DNAAF8: variants seen among roughly 807,000 people sequenced by gnomAD.
DNAAF8 encodes dynein axonemal-associated protein 1.
In DNAAF8, 61 loss-of-function variants were observed where a neutral mutation model predicts 54.6. The observed-to-expected ratio is 1.12, with a 90% CI of 0.91 to 1.38. The LOEUF (loss-of-function observed/expected upper bound fraction) is 1.38, where lower values mean the gene tolerates loss of function less well. Among genes scored for constraint, DNAAF8 ranks in the 40% most tolerant of loss-of-function variants. DNAAF8 has a pLI of 0.00. For missense variants in DNAAF8, 837 were observed against 665.0 expected (o/e 1.26, Z -2.85); for synonymous variants, 320 against 270.1 (o/e 1.18, Z -1.81).
chr16:4,747,109 C>T, intron 8 of DNAAF8, 84 bp downstream of exon 8: 1 of 1,358,324 alleles, frequency 7.4e-7, no homozygotes, highest in South Asian at 1.4e-5. Context: ...ACATTTACCG[C>T]CTGTGGTGAG....
intron 3 of DNAAF8, among the ~76,000 whole-genome samples, chr16:4,739,288 T>C (rs9936484): frequency 7.1e-6 from 1 of 140,760 alleles, no homozygotes; most frequent in African/African-American, 2.7e-5. Flanking sequence ...TTTTTTTTTG[T>C]AATGTGGGAT....
rs1567500109 is a variant in DNAAF8 at position 4,741,265 on chromosome 16, CAAAGAAA to C, written c.783+607_783+613del. On this transcript the variant is annotated intron_variant, in intron 4 of 9. Transcript: ENST00000299320. ...AAAAAAAAAGAAAGAAAGAAAGAAACAAAGAAAGAAAGAATGTATAAATTTAAAAAGA... is the reference window on the plus strand; with the variant it reads ...AAAAAAAAAGAAAGAAAGAAAGAAACGAAAGAATGTATAAATTTAAAAAGA... Among the ~76,000 whole-genome samples the C allele has an allele frequency of 3.9e-3, 130 of 33,070 alleles. 1 individual carries two copies. The South Asian group carries it at 0.049, about 12-fold the overall frequency. 21.7% of individuals were successfully genotyped at this position (33,070 alleles called of 152,430 possible).
chr16:4,746,722 C>G (rs747290054), intron 7 of DNAAF8: 1 of 796,696 alleles, frequency 1.3e-6, no homozygotes, highest in African/African-American at 1.7e-5. Context: ...GGGCTGGGCT[C>G]TATGCAATAG....
At chr16:4,735,650 A>T (rs1224857472) in intron 1 of DNAAF8, among the ~76,000 whole-genome samples, 3 of 152,072 alleles carry the variant, frequency 2.0e-5, no homozygotes, top group Admixed American at 6.6e-5. Flanking sequence ...AAAAAAAAAA[A>T]AATCACTTAG....
Position 4,736,603 on chromosome 16 carries a change from T to C in DNAAF8, c.89T>C (p.Val30Ala). The change falls in exon 2 of 10, where the codon GTC becomes GCC. Residue 30 changes from valine to alanine, a missense_variant. By Grantham distance (64) the Val-to-Ala change is moderately conservative. Transcript: ENST00000299320. ...MGPWDAILKA[V>A]KDQLPSLDSD... ...CCCTGGGATGCCATCCTCAAGGCTGTCAAAGACCAGCTCCCGTCTCTGGAC... is the reference window on the plus strand; with the variant it reads ...CCCTGGGATGCCATCCTCAAGGCTGCCAAAGACCAGCTCCCGTCTCTGGAC... 1 of 1,588,866 alleles carries C rather than the reference T, an allele frequency of 6.3e-7. No individual in the cohort carries two copies. Among genetic ancestry groups the C allele is most frequent in the South Asian group, 1.1e-5 (1 of 87,910 alleles).
At chr16:4,737,016 G>C (rs2081908216) in intron 2 of DNAAF8, among the ~76,000 whole-genome samples, 1 of 152,158 alleles carries the variant, frequency 6.6e-6, no homozygotes, top group Non-Finnish European at 1.5e-5. Flanking sequence ...AACACCCACT[G>C]AGAATGCACA....
chr16:4,739,573 G>C (rs1229165581), intron 3 of DNAAF8, among the ~76,000 whole-genome samples: 14 of 143,932 alleles, frequency 9.7e-5, no homozygotes, highest in Admixed American at 9.7e-4. Context: ...TTTTGGGACA[G>C]GATCTTGCTG....
chr16:4,745,812 G>A (rs1479556919), intron 6 of DNAAF8, among the ~76,000 whole-genome samples: 1 of 152,044 alleles, frequency 6.6e-6, no homozygotes, highest in East Asian at 1.9e-4. Flanking sequence ...AATTTTCCAG[G>A]CATGTTGGTG....
chr16:4,735,267 G>A (rs2081868873), intron 1 of DNAAF8: 1 of 152,176 alleles, frequency 6.6e-6, no homozygotes, highest in South Asian at 2.1e-4. Context: ...AAGAAATACT[G>A]TGCCCTGAAT....
chr16:4,739,283 T>G (rs1022432289), intron 3 of DNAAF8, among the ~76,000 whole-genome samples: 14 of 143,786 alleles, frequency 9.7e-5, no homozygotes, highest in African/African-American at 3.3e-4. Context: ...TTTTTTTTTT[T>G]TTTGTAATGT....
intron 5 of DNAAF8, 79 bp from the exon 6 acceptor site, chr16:4,744,791 G>C: frequency 6.7e-7 from 1 of 1,500,470 alleles, no homozygotes; most frequent in South Asian, 1.2e-5. Flanking sequence ...GAGACCCCAG[G>C]GGTCCTGAGG....
At chr16:4,736,428 C>A in intron 1 of DNAAF8, 36 bp from the exon 2 acceptor site, 1 of 1,358,448 alleles carries the variant, frequency 7.4e-7, no homozygotes. Flanking sequence ...CCTTCAGTGG[C>A]CCGGACCCTC....
intron 2 of DNAAF8, 93 bp downstream of exon 2, chr16:4,736,736 C>T (rs2081905865): frequency 7.9e-7 from 1 of 1,268,864 alleles, no homozygotes; most frequent in Non-Finnish European, 1.0e-6. Flanking sequence ...TCTCTGAAGA[C>T]TTTTCCTGCT....
chr16:4,740,507 A>G lies in DNAAF8; in HGVS notation c.631A>G (p.Ile211Val), dbSNP rs1170233149. 56 of 1,614,128 alleles carry G rather than the reference A, an allele frequency of 3.5e-5. No individual in the cohort carries two copies. Among genetic ancestry groups the G allele is most frequent in the Non-Finnish European group, 4.7e-5 (55 of 1,180,018 alleles). ...GAGAAGGAAGATGATAGAGACGGAC[A>G]TCCTCCAGAAAGTCACCCGGGATGC... The part of the protein sequence containing the change: ...QERRKMIETD[I>V]LQKVTRDACG... Residue 211 changes from isoleucine (I) to valine (V), a missense_variant, in exon 4 of 10, where the codon ATC becomes GTC. Ile to Val is a conservative substitution (Grantham distance 29). Coordinates refer to ENST00000299320, the MANE Select transcript of DNAAF8 (RefSeq NM_139170.3).
chr16:4,738,094 G>T (rs984110794), intron 3 of DNAAF8, 148 bp downstream of exon 3: 1 of 1,014,980 alleles, frequency 9.9e-7, no homozygotes. Context: ...GTATTCAGAT[G>T]CCCAACATCT....
Position 4,740,236 on chromosome 16 carries a change from A to G in DNAAF8, c.360A>G (p.Gly120=). The G allele has an allele frequency of 6.2e-7, 1 of 1,614,044 alleles. No individual in the cohort carries two copies. Among genetic ancestry groups the G allele is most frequent in the Non-Finnish European group, 8.5e-7 (1 of 1,179,978 alleles). The change falls in exon 4 of 10, where the codon GGA becomes GGG. Residue 120 remains glycine (G), a synonymous_variant. Coordinates refer to ENST00000299320, the MANE Select transcript of DNAAF8 (RefSeq NM_139170.3). ...TRTKDASSQE[G]RDPGRPFESS... is the part of the protein sequence containing the mutation. ...CAAAGGATGCATCCTCTCAGGAAGGAAGAGACCCTGGCAGGCCTTTTGAAA... is the reference window on the plus strand; with the variant it reads ...CAAAGGATGCATCCTCTCAGGAAGGGAGAGACCCTGGCAGGCCTTTTGAAA...
chr16:4,740,211 C>G lies in DNAAF8; in HGVS notation c.335C>G (p.Thr112Arg). ...TEPGCRQNTR[T>R]KDASSQEGRD... ...CCTGGGTGCAGACAGAACACAAGGA[C>G]AAAGGATGCATCCTCTCAGGAAGGA... The change falls in exon 4 of 10, where the codon ACA becomes AGA. Residue 112 changes from threonine to arginine, a missense_variant. By Grantham distance (71) the Thr-to-Arg change is moderately conservative. Transcript: ENST00000299320. 1 of 1,614,012 alleles carries G rather than the reference C, an allele frequency of 6.2e-7. No individual in the cohort carries two copies. The highest frequency in any genetic ancestry group is 1.1e-5 in the South Asian group (1 of 91,080).
rs2081987460 is a variant in DNAAF8, at chr16:4,744,446, G to A, written c.902-424G>A. The stretch of plus-strand genomic sequence containing the variant: ...AGAATACACTGCGGCTCGATGAGGG[G>A]ATCTCCGTAGGTTAACGTGGAAGCA... On this transcript the variant is annotated intron_variant, in intron 5 of 9. Coordinates refer to ENST00000299320, the MANE Select transcript of DNAAF8 (RefSeq NM_139170.3). Among the ~76,000 whole-genome samples the A allele has an allele frequency of 1.3e-5, 2 of 152,030 alleles. 1 individual carries two copies. The highest frequency in any genetic ancestry group is 4.1e-4 in the South Asian group (2 of 4,828).
In DNAAF8 at chr16:4,747,029, A is replaced by G. The variant is rs1308524475; in HGVS notation, c.1280+4A>G. On this transcript the variant is annotated splice_donor_region_variant and intron_variant, in intron 8 of 9. Transcript: ENST00000299320. ...CTCCTTCCTCCCTGGGGCTACGGTA[A>G]CCACCCAGGGGCCTCTCGCCACCTG... 3.9e-6 allele frequency: 6 copies of G among 1,525,274 alleles called. No individual in the cohort carries two copies. Among genetic ancestry groups the G allele is most frequent in the South Asian group, 1.2e-5 (1 of 80,202 alleles). The allele number at this position is 1,525,274 out of a possible 1,614,324, so 94.5% of individuals were successfully genotyped here. A position where few individuals can be genotyped will look rare whatever the true frequency, so the allele number is the denominator to read the frequency against.
Sources: allele counts gnomAD v4.1 joint callset (sites outside exome capture counted in the v4.1 genomes callset), GRCh38; gene constraint gnomAD v4.1.1; transcripts MANE v1.5; gene names NCBI Gene and HGNC (gene_info 2026-07-23, HGNC 2026-07-21).